BPIFC: variants seen among roughly 807,000 people sequenced by gnomAD.
BPIFC encodes the protein BPI fold containing family C, also known as BPI fold-containing family C protein.
A neutral mutation model predicts 57.6 loss-of-function variants in BPIFC; 60 were observed. The observed-to-expected ratio is 1.04, with a 90% CI of 0.85 to 1.29. The LOEUF (loss-of-function observed/expected upper bound fraction) is 1.29, where lower values mean the gene tolerates loss of function less well. Ranked by LOEUF, BPIFC falls within the 50% of genes most tolerant of loss-of-function variation. BPIFC has a pLI of 0.00. For synonymous variants in BPIFC, 243 were observed against 224.5 expected (o/e 1.08, Z -0.74); for missense variants, 581 against 600.5 (o/e 0.97, Z 0.34).
chr22:32,414,706 G>A (rs1447405223), intron 16 of BPIFC, among the ~76,000 whole-genome samples: 2 of 151,998 alleles, frequency 1.3e-5, no homozygotes, highest in Non-Finnish European at 2.9e-5. Flanking sequence ...TAGAGACAGG[G>A]TTTCACCATT....
chr22:32,440,189 C>T (rs1416298391), intron 8 of BPIFC, among the ~76,000 whole-genome samples: 1 of 152,122 alleles, frequency 6.6e-6, no homozygotes, highest in Non-Finnish European at 1.5e-5. Flanking sequence ...TGGATCTTGG[C>T]TCACTGCATG....
intron 2 of BPIFC, among the ~76,000 whole-genome samples, chr22:32,458,551 C>A (rs1935094826): frequency 6.6e-6 from 1 of 152,148 alleles, no homozygotes; most frequent in African/African-American, 2.4e-5. Context: ...TTTTAGGCTT[C>A]ATGGGGAAGG....
At position 32,432,537 on chromosome 22, in the gene BPIFC, C is replaced by T. The variant is rs2145930086; in HGVS notation, c.985G>A (p.Glu329Lys). 1 of 1,613,644 alleles carries T rather than the reference C, an allele frequency of 6.2e-7. No homozygotes were observed. Among genetic ancestry groups the T allele is most frequent in the East Asian group, 2.2e-5 (1 of 44,876 alleles). ...GLGNVLSRIA[E>K]IYILSQPFMV... Reference sequence around the variant, plus strand: ...AAGGGCTGGGACAAGATGTAGATCTCTGCAATCTGCCCACATTCCGAGAAA... The same window carrying T: ...AAGGGCTGGGACAAGATGTAGATCTTTGCAATCTGCCCACATTCCGAGAAA... Residue 329 changes from glutamate to lysine, a missense_variant, in exon 12 of 17, where the codon GAG becomes AAG. Glu to Lys is a moderately conservative substitution (Grantham distance 56, BLOSUM62 1). Coordinates refer to ENST00000300399, the MANE Select transcript of BPIFC (RefSeq NM_174932.3).
At position 32,418,578 on chromosome 22, in the gene BPIFC, C is replaced by T. The variant is rs5994565; in HGVS notation, c.1260+784G>A. Among the ~76,000 whole-genome samples the T allele has an allele frequency of 9.2e-5, 14 of 152,254 alleles. 1 individual carries two copies. Among genetic ancestry groups the T allele is most frequent in the African/African-American group, 3.4e-4 (14 of 41,550 alleles). ...TAGCTGAGAATCACTAGTTGAGAAC[C>T]ACTGCTTTAGAATGTAAGCGCCTTG... On this transcript the variant is annotated intron_variant, in intron 14 of 16. Coordinates refer to ENST00000300399, the MANE Select transcript of BPIFC (RefSeq NM_174932.3).
At chr22:32,420,317 C>CAAA (rs1051940782) in intron 13 of BPIFC, among the ~76,000 whole-genome samples, 2 of 85,434 alleles carry the variant, frequency 2.3e-5, no homozygotes, top group African/African-American at 5.0e-5. Context: ...GACTCCGTCT[C>CAAA]AAAAAAAAAA....
Position 32,437,819 on chromosome 22 carries a change from C to T in BPIFC, c.688G>A (p.Asp230Asn). The change falls in exon 9 of 17, where the codon GAT (aspartate) becomes AAT (asparagine). Residue 230 changes from aspartate to asparagine, a missense_variant. Physicochemically the swap from Asp to Asn is conservative, Grantham distance 23 (BLOSUM62 1). Coordinates refer to ENST00000300399, the MANE Select transcript of BPIFC (RefSeq NM_174932.3). ...TCTGGAGAACTGATTAGGGAGTAAT[C>T]CAGCAGAGTGTAGTTGTCAATCTTG... Reference protein sequence around the residue: ...LTKIDNYTLLDYSLISSPEIT... With the variant: ...LTKIDNYTLLNYSLISSPEIT... The T allele has an allele frequency of 6.2e-7, 1 of 1,612,098 alleles. No homozygotes were observed. Among genetic ancestry groups the T allele is most frequent in the Non-Finnish European group, 8.5e-7 (1 of 1,178,390 alleles).
chr22:32,440,070 TTTCC>T (rs1377748717), intron 8 of BPIFC, among the ~76,000 whole-genome samples: 1 of 152,182 alleles, frequency 6.6e-6, no homozygotes, highest in Non-Finnish European at 1.5e-5. Context: ...TACATCTTGT[TTTCC>T]TTCCCTACAT....
At chr22:32,419,872 G>A (rs551400876) in intron 13 of BPIFC, among the ~76,000 whole-genome samples, 34 of 150,488 alleles carry the variant, frequency 2.3e-4, no homozygotes, top group Non-Finnish European at 3.8e-4. Context: ...GGAAGACATC[G>A]AGTTCTATTA....
chr22:32,435,890 AAGAG>A lies in BPIFC; in HGVS notation c.748-14_748-11del, dbSNP rs1320237870. ...GTGGGTAGAATACACCCTGTGGGAAAAGAGAGAGAAAGACCAGTGTATCAGGTGA... is the reference window on the plus strand; with the variant it reads ...GTGGGTAGAATACACCCTGTGGGAAAAGAGAAAGACCAGTGTATCAGGTGA... On this transcript the variant is annotated splice_polypyrimidine_tract_variant and intron_variant, in intron 9 of 16. Transcript: ENST00000300399. The A allele has an allele frequency of 6.2e-7, 1 of 1,605,824 alleles. No individual in the cohort carries two copies.
At chr22:32,443,909 G>A (rs1447395020) in intron 7 of BPIFC, among the ~76,000 whole-genome samples, 6 of 152,162 alleles carry the variant, frequency 3.9e-5, no homozygotes, top group Non-Finnish European at 8.8e-5. Flanking sequence ...TGAGAGGGAG[G>A]CATGACGGTC....
At chr22:32,425,291 T>C (rs9606953) in intron 13 of BPIFC, among the ~76,000 whole-genome samples, 18,809 of 152,184 alleles carry the variant, frequency 0.12, 1,556 homozygotes, top group Non-Finnish European at 0.19. Context: ...TCATTTAATC[T>C]ACTGACATTT....
chr22:32,445,543 A>C, intron 7 of BPIFC, 92 bp downstream of exon 7: 3 of 1,315,476 alleles, frequency 2.3e-6, no homozygotes, highest in Non-Finnish European at 3.2e-6. Context: ...TCTCAAAAAA[A>C]CAAACAAACA....
intron 13 of BPIFC, among the ~76,000 whole-genome samples, chr22:32,420,257 G>A (rs1933806643): frequency 6.7e-6 from 1 of 150,198 alleles, no homozygotes; most frequent in Non-Finnish European, 1.5e-5. Flanking sequence ...GGCACAGCTT[G>A]CAGTGAGCAG....
chr22:32,424,642 C>CTCTTCTTCT (rs796330210), intron 13 of BPIFC, among the ~76,000 whole-genome samples: 2,591 of 28,688 alleles, frequency 0.09, 378 homozygotes, highest in Middle Eastern at 0.11. Flanking sequence ...TCTTCTTCTT[C>CTCTTCTTCT]TCTTCTTCTT....
intron 1 of BPIFC, among the ~76,000 whole-genome samples, chr22:32,462,255 G>C (rs1935183998): frequency 7.4e-6 from 1 of 135,698 alleles, no homozygotes; most frequent in South Asian, 2.5e-4. Context: ...CAATGGGAAA[G>C]AATGTTAAGA....
chr22:32,447,620 T>TG (rs1934766639), intron 4 of BPIFC, among the ~76,000 whole-genome samples: 1 of 151,454 alleles, frequency 6.6e-6, no homozygotes, highest in Non-Finnish European at 1.5e-5. Context: ...TTTTTTTTTT[T>TG]TTTTGAGACA....
At chr22:32,435,604 G>A (rs1601461191) in intron 10 of BPIFC, 100 bp downstream of exon 10, 1 of 1,261,628 alleles carries the variant, frequency 7.9e-7, no homozygotes. Flanking sequence ...GCCTAAAAAG[G>A]TCCCAGAATC....
chr22:32,453,357 G>C, intron 4 of BPIFC, 26 bp downstream of exon 4: 1 of 1,521,328 alleles, frequency 6.6e-7, no homozygotes, highest in Non-Finnish European at 8.9e-7. Context: ...TCTTATAAGA[G>C]GCAAAATGCT....
chr22:32,463,508 GAAAACACC>G lies in BPIFC; in HGVS notation c.-89+858_-89+865del, dbSNP rs562009940. Among the ~76,000 whole-genome samples, 110 of 152,222 alleles carry G rather than the reference GAAAACACC, an allele frequency of 7.2e-4. No individual in the cohort carries two copies. The Middle Eastern group carries it at 0.02, about 28-fold the overall frequency. Reference sequence around the variant, plus strand: ...GCTAAGAAAATGCCAGTCCAATTTAGAAAACACCTGAAACTCACAGATGGTCCTACTAC... The same window carrying G: ...GCTAAGAAAATGCCAGTCCAATTTAGTGAAACTCACAGATGGTCCTACTAC... On this transcript the variant is annotated intron_variant, in intron 1 of 16. Coordinates refer to ENST00000300399, the MANE Select transcript of BPIFC (RefSeq NM_174932.3).
Sources: allele counts gnomAD v4.1 joint callset (sites outside exome capture counted in the v4.1 genomes callset), GRCh38; gene constraint gnomAD v4.1.1; transcripts MANE v1.5; gene names NCBI Gene and HGNC (gene_info 2026-07-23, HGNC 2026-07-21).